Variants in THADA observed in about 807,000 individuals in gnomAD.
THADA encodes the protein THADA armadillo repeat containing, also known as tRNA (32-2'-O)-methyltransferase regulator THADA.
Under a neutral mutation model 219.8 loss-of-function variants are expected in THADA, and 213 were observed. The observed-to-expected ratio is 0.97, with a 90% CI of 0.87 to 1.09. The LOEUF (loss-of-function observed/expected upper bound fraction) is 1.09, where lower values mean the gene tolerates loss of function less well. THADA is among the 50% of genes least tolerant of loss of function. THADA has a pLI of 0.00. For synonymous variants in THADA, 1,018 were observed against 828.9 expected (o/e 1.23, Z -3.92); for missense variants, 2,956 against 2,311.3 (o/e 1.28, Z -5.72).
intron 22 of THADA, among the ~76,000 whole-genome samples, chr2:43,526,686 G>C (rs569307842): frequency 6.6e-6 from 1 of 152,266 alleles, no homozygotes; most frequent in South Asian, 2.1e-4. Flanking sequence ...GCTGTATACA[G>C]CCAGTGTTGG....
Position 43,232,872 on chromosome 2 carries a change from G to A in THADA, c.5307C>T (p.Phe1769=). The A allele has an allele frequency of 6.2e-7, 1 of 1,609,644 alleles. No individual in the cohort carries two copies. Among genetic ancestry groups the A allele is most frequent in the East Asian group, 2.2e-5 (1 of 44,808 alleles). ...ENTCQSTEFA[F]CQVDASIALA... is the part of the protein sequence containing the mutation. ...GAGCGATGGAGGCATCCACCTGGCA[G>A]AAGGCAAACTCTGCAAAGACAGGAG... is the stretch of plus-strand genomic sequence containing the variant. Residue 1769 remains phenylalanine (F), a synonymous_variant, in exon 37 of 38, where the codon TTC becomes TTT. Transcript: ENST00000405975.
intron 22 of THADA, among the ~76,000 whole-genome samples, chr2:43,518,585 T>A (rs1342761417): frequency 6.6e-6 from 1 of 152,232 alleles, no homozygotes; most frequent in African/African-American, 2.4e-5. Flanking sequence ...CATGTAAAAG[T>A]GTTATTTAAC....
At chr2:43,439,825 G>C (rs1246229955) in intron 26 of THADA, among the ~76,000 whole-genome samples, 2 of 152,046 alleles carry the variant, frequency 1.3e-5, no homozygotes, top group African/African-American at 4.8e-5. Context: ...TCTTAAACTA[G>C]GTGTTAGATC....
intron 21 of THADA, among the ~76,000 whole-genome samples, chr2:43,528,857 A>G (rs934050020): frequency 3.9e-5 from 6 of 152,134 alleles, no homozygotes; most frequent in Admixed American, 6.5e-5. Context: ...TTTTAAATGT[A>G]CAATTAAGTG....
intron 26 of THADA, among the ~76,000 whole-genome samples, chr2:43,482,252 A>G (rs1294854959): frequency 1.3e-5 from 2 of 152,134 alleles, no homozygotes; most frequent in African/African-American, 4.8e-5. Context: ...TTAAAACCCA[A>G]AAAACACATC....
At chr2:43,562,677 G>A (rs1374164025) in intron 15 of THADA, 3 of 152,174 alleles carry the variant, frequency 2.0e-5, no homozygotes, top group African/African-American at 4.8e-5. Context: ...TTCTTTAAAT[G>A]CTTTGTAGAT....
intron 29 of THADA, among the ~76,000 whole-genome samples, chr2:43,380,137 C>T (rs1450606885): frequency 6.6e-6 from 1 of 152,116 alleles, no homozygotes; most frequent in Non-Finnish European, 1.5e-5. Flanking sequence ...ATGCACAGAA[C>T]TTTATAGTGC....
At chr2:43,571,612 CATTCCCA>C in intron 13 of THADA, 88 bp downstream of exon 13, 1 of 1,256,440 alleles carries the variant, frequency 8.0e-7, no homozygotes, top group East Asian at 2.3e-5. Context: ...ATTCCATGAC[CATTCCCA>C]CACGCTCCCA....
intron 28 of THADA, among the ~76,000 whole-genome samples, chr2:43,421,733 A>G (rs1308152278): frequency 6.6e-6 from 1 of 152,360 alleles, no homozygotes; most frequent in East Asian, 1.9e-4. Context: ...CTTTTCAGAC[A>G]TAACATCTCA....
chr2:43,509,812 T>C (rs1023086379), intron 22 of THADA, among the ~76,000 whole-genome samples: 1 of 152,172 alleles, frequency 6.6e-6, no homozygotes, highest in African/African-American at 2.4e-5. Flanking sequence ...CCTAAAAATA[T>C]TATTTCAGTC....
At chr2:43,405,329 A>G (rs1260345898) in intron 28 of THADA, among the ~76,000 whole-genome samples, 1 of 152,248 alleles carries the variant, frequency 6.6e-6, no homozygotes, top group East Asian at 1.9e-4. Context: ...GAAACCACAC[A>G]CACACACCAA....
chr2:43,464,807 TC>T lies in THADA; in HGVS notation c.3836+20426del, dbSNP rs1684042522. On this transcript the variant is annotated intron_variant, in intron 26 of 37. Transcript: ENST00000405975. ...TCCTCCACTATCCACTCCTCCTGCT[TC>T]CCCCGCAGGACTGTATTTTCAAACT... 2.6e-5 allele frequency among the ~76,000 whole-genome samples: 4 copies of T among 152,110 alleles called. No individual in the cohort carries two copies. The South Asian group carries it at 6.2e-4, about 24-fold the overall frequency.
intron 26 of THADA, among the ~76,000 whole-genome samples, chr2:43,433,850 G>A (rs1679713369): frequency 6.6e-6 from 1 of 152,042 alleles, no homozygotes; most frequent in Admixed American, 6.5e-5. Flanking sequence ...ACCACATCTG[G>A]CTAATTTTTC....
chr2:43,433,186 A>G (rs1226133292), intron 26 of THADA, among the ~76,000 whole-genome samples: 1 of 151,692 alleles, frequency 6.6e-6, no homozygotes, highest in Admixed American at 6.6e-5. Flanking sequence ...GGTATTTCAT[A>G]TTTTTAATCG....
chr2:43,273,893 A>G (rs2104282991), intron 36 of THADA, among the ~76,000 whole-genome samples: 1 of 152,152 alleles, frequency 6.6e-6, no homozygotes, highest in Admixed American at 6.5e-5. Context: ...TGATGCACAC[A>G]TGTATACATG....
rs1413589658 is a variant in THADA, at chr2:43,500,160, A to T, written c.3622-1205T>A. 2.0e-5 allele frequency among the ~76,000 whole-genome samples: 3 copies of T among 152,184 alleles called. No individual in the cohort carries two copies. In the East Asian group the frequency reaches 5.8e-4, roughly 29 times the overall value. ...ACAAGATCCCGTCTCTAAAATAAAA[A>T]AATAATAATAATGTATGGTCTCATT... On this transcript the variant is annotated intron_variant, in intron 24 of 37. Coordinates refer to ENST00000405975, the MANE Select transcript of THADA (RefSeq NM_022065.5).
rs1484542687 is a variant in THADA, at chr2:43,586,694, G to A, written c.484+8C>T. The A allele has an allele frequency of 6.2e-7, 1 of 1,609,552 alleles. No homozygotes were observed. Among genetic ancestry groups the A allele is most frequent in the Non-Finnish European group, 8.5e-7 (1 of 1,178,768 alleles). On this transcript the variant is annotated splice_region_variant and intron_variant, in intron 6 of 37. Coordinates refer to ENST00000405975, the MANE Select transcript of THADA (RefSeq NM_022065.5). ...ACTCATGGAACAAAATAAAATAATA[G>A]GACTTACCATTTTTAAGCAGATTAT...
chr2:43,551,631 T>G (rs1696754866), intron 19 of THADA, among the ~76,000 whole-genome samples, 158 bp downstream of exon 19: 2 of 149,230 alleles, frequency 1.3e-5, no homozygotes, highest in Non-Finnish European at 1.5e-5. Context: ...TAGTTAAAAC[T>G]ATTGCTAAAA....
At chr2:43,561,072 A>G (rs886377956) in intron 15 of THADA, among the ~76,000 whole-genome samples, 2 of 151,852 alleles carry the variant, frequency 1.3e-5, no homozygotes, top group Admixed American at 1.3e-4. Flanking sequence ...GTGAACTGAC[A>G]TAGAATGATC....
Sources: allele counts gnomAD v4.1 joint callset (sites outside exome capture counted in the v4.1 genomes callset), GRCh38; gene constraint gnomAD v4.1.1; transcripts MANE v1.5; gene names NCBI Gene and HGNC (gene_info 2026-07-23, HGNC 2026-07-21).